The following BTAF1 variants were observed in gnomAD, a reference collection of about 807,000 sequenced individuals.
BTAF1 encodes TATA-binding protein-associated factor 172.
BTAF1 carries 38 observed loss-of-function variants against 227.1 expected under a neutral mutation model. The ratio of observed to expected loss-of-function variants is 0.17; its 90% CI spans 0.13 to 0.22. The LOEUF (loss-of-function observed/expected upper bound fraction) is 0.22, where lower values mean the gene tolerates loss of function less well. BTAF1 is among the 10% of genes least tolerant of loss of function. The pLI is 1.00. For missense variants in BTAF1, 1,598 were observed against 2,204.0 expected (o/e 0.73, Z 5.51); for synonymous variants, 742 against 751.9 (o/e 0.99, Z 0.21).
chr10:91,987,284 C>T (rs1195577318), intron 19 of BTAF1, among the ~76,000 whole-genome samples: 1 of 151,984 alleles, frequency 6.6e-6, no homozygotes, highest in Non-Finnish European at 1.5e-5. Flanking sequence ...GAGATCAAGA[C>T]CATCCTGGCT....
intron 25 of BTAF1, 22 bp downstream of exon 25, chr10:91,997,773 TA>T: frequency 6.2e-7 from 1 of 1,608,472 alleles, no homozygotes; most frequent in Non-Finnish European, 8.5e-7. Context: ...ATACTTGCTT[TA>T]AAGACATAAT....
At chr10:91,977,237 A>G (rs1847760800) in intron 14 of BTAF1, among the ~76,000 whole-genome samples, 1 of 152,188 alleles carries the variant, frequency 6.6e-6, no homozygotes, top group Non-Finnish European at 1.5e-5. Context: ...TCTGTTTGTC[A>G]TCAACTCTCC....
intron 1 of BTAF1, among the ~76,000 whole-genome samples, chr10:91,929,993 A>C (rs906423430): frequency 7.9e-5 from 12 of 152,330 alleles, no homozygotes; most frequent in African/African-American, 2.9e-4. Context: ...TTTCCATTTC[A>C]ATCCCAATGG....
chr10:92,018,443 GA>G (rs1228957666), intron 33 of BTAF1, among the ~76,000 whole-genome samples: 1 of 152,168 alleles, frequency 6.6e-6, no homozygotes, highest in East Asian at 1.9e-4. Context: ...CCTGGTTCCA[GA>G]AGCATCTGTC....
chr10:91,978,528 A>C (rs1188688275), intron 14 of BTAF1, among the ~76,000 whole-genome samples: 1 of 152,116 alleles, frequency 6.6e-6, no homozygotes, highest in East Asian at 1.9e-4. Flanking sequence ...TTTTCTTCCC[A>C]GCTTCCCTTT....
intron 34 of BTAF1, among the ~76,000 whole-genome samples, chr10:92,022,512 G>A (rs1851210877): frequency 6.6e-6 from 1 of 152,002 alleles, no homozygotes; most frequent in Non-Finnish European, 1.5e-5. Context: ...CAAACTCTTG[G>A]GCTCAAGCAA....
chr10:91,955,473 G>A (rs1054459201), intron 6 of BTAF1, among the ~76,000 whole-genome samples: 2 of 152,080 alleles, frequency 1.3e-5, no homozygotes, highest in Admixed American at 1.3e-4. Context: ...TACAGATAAT[G>A]TTAAGCGTTA....
In BTAF1 at chr10:91,994,587, T is replaced by A; in HGVS notation, c.3252T>A (p.Asn1084Lys). 6.2e-7 allele frequency: 1 copy of A among 1,614,122 alleles called. No individual in the cohort carries two copies. The highest frequency in any genetic ancestry group is 1.7e-5 in the Admixed American group (1 of 60,026). The change falls in exon 23 of 38, where the codon AAT becomes AAA. Residue 1084 changes from asparagine (N) to lysine (K), a missense_variant. Transcript: ENST00000265990. ...KGDSPAQELV[N>K]SLQVFETAAA... ...ATAGCCCTGCTCAAGAATTGGTGAA[T>A]TCTCTGCAGGTTTTTGAAACAGCAG...
intron 3 of BTAF1, among the ~76,000 whole-genome samples, chr10:91,940,898 C>CG (rs920323394): frequency 2.3e-4 from 35 of 151,128 alleles, no homozygotes; most frequent in Middle Eastern, 3.4e-3. Flanking sequence ...TGGCCAGGCT[C>CG]GGGGGGGTGG....
intron 9 of BTAF1, among the ~76,000 whole-genome samples, chr10:91,959,534 A>G (rs1019351789): frequency 9.9e-5 from 15 of 151,944 alleles, no homozygotes; most frequent in African/African-American, 3.6e-4. Context: ...TGAATTAATG[A>G]TCAAAGGGGA....
intron 20 of BTAF1, among the ~76,000 whole-genome samples, chr10:91,990,849 G>A (rs920791176): frequency 1.3e-5 from 2 of 152,058 alleles, no homozygotes; most frequent in Non-Finnish European, 2.9e-5. Flanking sequence ...GCTCATGCCT[G>A]TAATCCCAGC....
intron 25 of BTAF1, among the ~76,000 whole-genome samples, chr10:92,005,058 T>G (rs1263991780): frequency 6.6e-6 from 1 of 152,236 alleles, no homozygotes; most frequent in Non-Finnish European, 1.5e-5. Context: ...TGCATGCATT[T>G]ATTTCTAGGC....
intron 30 of BTAF1, among the ~76,000 whole-genome samples, chr10:92,012,573 C>A (rs369499155): frequency 1.3e-5 from 2 of 150,684 alleles, no homozygotes; most frequent in African/African-American, 4.9e-5. Context: ...GAGTTTGAGA[C>A]CAGCCTGGCC....
intron 2 of BTAF1, among the ~76,000 whole-genome samples, chr10:91,937,016 T>C (rs1156382367): frequency 6.6e-6 from 1 of 151,716 alleles, no homozygotes; most frequent in African/African-American, 2.4e-5. Flanking sequence ...TGTTTTCTTT[T>C]TTTTTTTTTT....
chr10:91,957,403 T>C (rs1203007124), intron 8 of BTAF1, 110 bp downstream of exon 8: 2 of 773,536 alleles, frequency 2.6e-6, no homozygotes, highest in Admixed American at 2.5e-5. Context: ...TCTGTTTGTC[T>C]CAGGACTCAG....
intron 18 of BTAF1, among the ~76,000 whole-genome samples, chr10:91,982,975 C>G (rs561625214): frequency 1.3e-5 from 2 of 152,312 alleles, no homozygotes; most frequent in South Asian, 2.1e-4. Flanking sequence ...CTTCCAACTA[C>G]TAGTTATGCT....
chr10:91,989,076 C>A, intron 19 of BTAF1, 78 bp from the exon 20 acceptor site: 1 of 1,270,154 alleles, frequency 7.9e-7, no homozygotes. Context: ...AGAAAGCTTG[C>A]TGTCTACCCT....
chr10:91,997,727 G>A lies in BTAF1; in HGVS notation c.3636G>A (p.Thr1212=), dbSNP rs1010631808. The change falls in exon 25 of 38, where the codon ACG becomes ACA. Residue 1212 remains threonine, a synonymous_variant. Coordinates refer to ENST00000265990, the MANE Select transcript of BTAF1 (RefSeq NM_003972.3). ...TCATGGCCACGCAGTGCTTTGCAAC[G>A]CTAATTAGACTCATGCCACTTGAGG... ...VRFMATQCFA[T]LIRLMPLEAG... The A allele has an allele frequency of 1.9e-6, 3 of 1,613,638 alleles. No individual in the cohort carries two copies. The highest frequency in any genetic ancestry group is 1.3e-5 in the African/African-American group (1 of 74,928).
chr10:91,978,047 GGGTT>G (rs1847808980), intron 14 of BTAF1, among the ~76,000 whole-genome samples: 6 of 152,064 alleles, frequency 3.9e-5, no homozygotes, highest in Non-Finnish European at 8.8e-5. Flanking sequence ...ATTTACTTTA[GGGTT>G]CACCCTCAGT....
Sources: allele counts gnomAD v4.1 joint callset (sites outside exome capture counted in the v4.1 genomes callset), GRCh38; gene constraint gnomAD v4.1.1; transcripts MANE v1.5; gene names NCBI Gene and HGNC (gene_info 2026-07-23, HGNC 2026-07-21).